PCDHA6: variants seen among roughly 807,000 people sequenced by gnomAD.
PCDHA6 encodes the protein protocadherin alpha-6.
In PCDHA6, 55 loss-of-function variants were observed where a neutral mutation model predicts 60.3. That is an observed-to-expected ratio of 0.91 (90% CI 0.73 to 1.14). PCDHA6 has a LOEUF of 1.14. Among genes scored for constraint, PCDHA6 ranks in the 50% most tolerant of loss-of-function variants. The pLI is 0.00. For synonymous variants in PCDHA6, 652 were observed against 557.9 expected, an observed-to-expected ratio of 1.17 and a Z score of -2.38; for missense variants, 1,327 against 1,256.5, an observed-to-expected ratio of 1.06 and a Z score of -0.85.
At chr5:140,875,790 G>A (rs376091049) in intron 1 of PCDHA6, 1 of 1,614,214 alleles carries the variant, frequency 6.2e-7, no homozygotes, top group Non-Finnish European at 8.5e-7. Flanking sequence ...GTATCCACCT[G>A]GAGGTGATCG....
intron 1 of PCDHA6, among the ~76,000 whole-genome samples, chr5:140,941,214 CCTTTCTTTCTTT>C (rs60032403): frequency 3.3e-5 from 4 of 122,414 alleles, no homozygotes; most frequent in Non-Finnish European, 6.8e-5. Flanking sequence ...TTTCTTTCTT[CCTTTCTTTCTTT>C]CTTTCTTTCT....
At chr5:140,945,178 C>T (rs2093753648) in intron 1 of PCDHA6, among the ~76,000 whole-genome samples, 2 of 151,902 alleles carry the variant, frequency 1.3e-5, no homozygotes, top group Admixed American at 1.3e-4. Flanking sequence ...AAAAATAAAT[C>T]AAGAAAACCA....
intron 1 of PCDHA6, among the ~76,000 whole-genome samples, chr5:140,847,087 C>G (rs192682814): frequency 6.7e-6 from 1 of 149,796 alleles, no homozygotes; most frequent in Non-Finnish European, 1.5e-5. Flanking sequence ...GAAAAGTCCA[C>G]TTTGGTTAAA....
chr5:140,852,117 T>A, intron 1 of PCDHA6: 1 of 906,144 alleles, frequency 1.1e-6, no homozygotes, highest in Non-Finnish European at 1.3e-6. Context: ...AGGTATGACC[T>A]AATTAAAAAC....
intron 1 of PCDHA6, chr5:140,835,375 C>T: frequency 1.2e-6 from 2 of 1,613,976 alleles, no homozygotes; most frequent in Non-Finnish European, 1.7e-6. Flanking sequence ...CCACCCCTGG[C>T]TGGTCATTGT....
chr5:140,995,449 A>G (rs1279825778), intron 3 of PCDHA6, among the ~76,000 whole-genome samples: 18 of 152,120 alleles, frequency 1.2e-4, no homozygotes, highest in African/African-American at 3.9e-4. Flanking sequence ...AAACTTATGA[A>G]TTGTTTATTT....
chr5:140,868,937 C>T (rs2050742656), intron 1 of PCDHA6: 1 of 1,209,168 alleles, frequency 8.3e-7, no homozygotes, highest in East Asian at 2.5e-5. Flanking sequence ...AAAGGTTGGT[C>T]TGAACAGTGA....
At chr5:140,958,374 A>G (rs953397625) in intron 1 of PCDHA6, among the ~76,000 whole-genome samples, 3 of 152,134 alleles carry the variant, frequency 2.0e-5, no homozygotes, top group African/African-American at 7.2e-5. Context: ...GAATGTTGCT[A>G]TTTTCTTAAC....
rs1371953272 is a variant in PCDHA6 at position 140,844,555 on chromosome 5, A to G, written c.2394+14070A>G. ...ATTCAACCCTTTGTTCATGAGTTGGAATATTTTCAATAATATTCCACATTA... is the reference window on the plus strand; with the variant it reads ...ATTCAACCCTTTGTTCATGAGTTGGGATATTTTCAATAATATTCCACATTA... On this transcript the variant is annotated intron_variant, in intron 1 of 3. Transcript: ENST00000529310. Among the ~76,000 whole-genome samples the G allele has an allele frequency of 6.7e-5, 10 of 149,520 alleles. 1 individual carries two copies. The Admixed American group carries it at 6.7e-4, about 10-fold the overall frequency.
intron 1 of PCDHA6, among the ~76,000 whole-genome samples, chr5:140,941,599 G>A (rs1017713166): frequency 3.3e-5 from 5 of 152,116 alleles, no homozygotes; most frequent in African/African-American, 1.2e-4. Flanking sequence ...ACAGCCATGA[G>A]CCATGGTGCC....
chr5:140,906,262 A>AAT (rs2072503500), intron 1 of PCDHA6, among the ~76,000 whole-genome samples: 2 of 152,306 alleles, frequency 1.3e-5, no homozygotes, highest in African/African-American at 4.8e-5. Flanking sequence ...CACCTCCTGA[A>AAT]ATTATAGATA....
rs2066634766 is a variant in PCDHA6, at chr5:140,898,278, G to A, written c.2394+67793G>A. The stretch of plus-strand genomic sequence containing the variant: ...AAGTCCTTGCCCATGCCTAAGTTCT[G>A]AATGGTAATGCCTAGGTTTTCTTCT... On this transcript the variant is annotated intron_variant, in intron 1 of 3. Transcript: ENST00000529310. Among the ~76,000 whole-genome samples, 8 of 152,194 alleles carry A rather than the reference G, an allele frequency of 5.3e-5. No individual in the cohort carries two copies. The South Asian group carries it at 1.7e-3, about 31-fold the overall frequency.
chr5:140,831,254 T>C (rs1298063244), intron 1 of PCDHA6: 1 of 152,260 alleles, frequency 6.6e-6, no homozygotes, highest in Non-Finnish European at 1.5e-5. Context: ...CTCTTATTTC[T>C]GTTTGAATTT....
intron 1 of PCDHA6, among the ~76,000 whole-genome samples, chr5:140,954,134 A>G (rs1443838127): frequency 6.6e-6 from 1 of 152,194 alleles, no homozygotes; most frequent in Non-Finnish European, 1.5e-5. Flanking sequence ...TTATGGATGC[A>G]TAGTATTCCA....
intron 1 of PCDHA6, chr5:140,835,598 T>C (rs2150239108): frequency 2.1e-5 from 34 of 1,613,804 alleles, no homozygotes; most frequent in African/African-American, 4.0e-5. Flanking sequence ...AGAATTACTA[T>C]TCATTGGTGC....
chr5:140,993,811 G>A (rs1554253953), intron 3 of PCDHA6, among the ~76,000 whole-genome samples: 3 of 152,154 alleles, frequency 2.0e-5, no homozygotes, highest in African/African-American at 2.4e-5. Flanking sequence ...TGTAGCCTAG[G>A]AGCAATAGGC....
rs1446529645 is a variant in PCDHA6, at chr5:140,923,539, C to CA, written c.2395-55406dup. ...GTGAGATTCTGTCCCAAAAAAAGGA[C>CA]AAAATGAAATATCAGCAATGAAAGG... On this transcript the variant is annotated intron_variant, in intron 1 of 3. Coordinates refer to ENST00000529310, the MANE Select transcript of PCDHA6 (RefSeq NM_018909.4). 3.3e-5 allele frequency among the ~76,000 whole-genome samples: 5 copies of CA among 152,090 alleles called. No individual in the cohort carries two copies. The South Asian group carries it at 8.3e-4, about 25-fold the overall frequency.
At chr5:140,857,652 G>A in intron 1 of PCDHA6, 4 of 1,596,610 alleles carry the variant, frequency 2.5e-6, no homozygotes, top group Admixed American at 1.7e-5. Context: ...TTCCAGGTGA[G>A]CGCGCGCGAT....
At chr5:140,982,845 C>A (rs1436674965) in intron 3 of PCDHA6, among the ~76,000 whole-genome samples, 1 of 151,978 alleles carries the variant, frequency 6.6e-6, no homozygotes, top group Non-Finnish European at 1.5e-5. Flanking sequence ...TTGTTTAAAT[C>A]AGGTACCTTT....
Sources: allele counts gnomAD v4.1 joint callset (sites outside exome capture counted in the v4.1 genomes callset), GRCh38; gene constraint gnomAD v4.1.1; transcripts MANE v1.5; gene names NCBI Gene and HGNC (gene_info 2026-07-23, HGNC 2026-07-21).